Variants in OR1L8 observed in about 807,000 individuals in gnomAD.
The protein encoded by OR1L8 is olfactory receptor 1L8.
For synonymous variants in OR1L8, 148 were observed against 147.0 expected, an observed-to-expected ratio of 1.01 and a Z score of -0.05; for missense variants, 330 against 377.4, an observed-to-expected ratio of 0.87 and a Z score of 1.04.
the OR1L8 span, among the ~76,000 whole-genome samples, chr9:122,556,305 T>C: frequency 1.3e-5 from 2 of 151,940 alleles, no homozygotes. Flanking sequence ...CATGTGGATG[T>C]CTAGTTGTTT....
intron 1 of OR1L8, among the ~76,000 whole-genome samples, chr9:122,578,954 A>C (rs1829703282): frequency 7.1e-6 from 1 of 141,624 alleles, no homozygotes; most frequent in Non-Finnish European, 1.5e-5. Flanking sequence ...ATTAAAAAAA[A>C]TTCTGAAAAA....
At chr9:122,569,578 AT>A (rs138644918) in intron 4 of OR1L8, among the ~76,000 whole-genome samples, 888 of 77,770 alleles carry the variant, frequency 0.011, 7 homozygotes, top group African/African-American at 0.043. Flanking sequence ...ATTTTTAGAT[AT>A]TGGTTATTTA....
At chr9:122,552,079 T>TCTCTCTCACACACA in the OR1L8 span, among the ~76,000 whole-genome samples, 1 of 142,104 alleles carries the variant, frequency 7.0e-6, no homozygotes, top group Non-Finnish European at 1.5e-5. Context: ...TCTCTCTCTC[T>TCTCTCTCACACACA]CACACACACA....
the OR1L8 span, chr9:122,554,320 A>G: frequency 9.8e-6 from 6 of 614,838 alleles, no homozygotes; most frequent in Non-Finnish European, 1.7e-5. Flanking sequence ...TCATTCTTTT[A>G]TTAGGCTGTG....
At chr9:122,580,910 A>G (rs545989766) in intron 1 of OR1L8, among the ~76,000 whole-genome samples, 2 of 152,346 alleles carry the variant, frequency 1.3e-5, no homozygotes, top group South Asian at 4.1e-4. Flanking sequence ...TTTAGTAATA[A>G]GAACACACCA....
the OR1L8 span, among the ~76,000 whole-genome samples, chr9:122,556,772 G>C: frequency 6.6e-6 from 1 of 152,108 alleles, no homozygotes; most frequent in Non-Finnish European, 1.5e-5. Context: ...TCTGCATTTT[G>C]TTGATATCCA....
chr9:122,581,210 AC>A (rs5900534), intron 1 of OR1L8, among the ~76,000 whole-genome samples: 7,412 of 152,108 alleles, frequency 0.049, 280 homozygotes, highest in South Asian at 0.16. Context: ...TACTAAAAAT[AC>A]AAAAATTAGC....
In OR1L8 at chr9:122,568,637, T is replaced by C. The variant is rs1829483423; in HGVS notation, c.-160A>G. ...GGCTTGTTCACCTCATGGTCCTTGA[T>C]GGGGTCCTCCCTTCCCAAATCTATG... On this transcript the variant is annotated 5_prime_UTR_variant, in exon 5 of 5. Coordinates refer to ENST00000641027, the MANE Select transcript of OR1L8 (RefSeq NM_001004454.2). The C allele has an allele frequency of 1.3e-5, 7 of 556,086 alleles. No homozygotes were observed. In the South Asian group the frequency reaches 1.4e-4, roughly 11 times the overall value. The allele number at this position is 556,086 out of a possible 1,614,324, so 34.4% of individuals were successfully genotyped here.
the OR1L8 span, among the ~76,000 whole-genome samples, chr9:122,560,223 T>C: frequency 6.6e-6 from 1 of 152,320 alleles, no homozygotes; most frequent in East Asian, 1.9e-4. Context: ...TATTTGTTTC[T>C]TTGCACGTGA....
chr9:122,552,902 T>C, the OR1L8 span, among the ~76,000 whole-genome samples: 1 of 151,834 alleles, frequency 6.6e-6, no homozygotes, highest in Non-Finnish European at 1.5e-5. Context: ...AATTCTCACT[T>C]CCTCTAAATA....
At chr9:122,552,828 A>C in the OR1L8 span, among the ~76,000 whole-genome samples, 78,235 of 148,506 alleles carry the variant, frequency 0.53, 20,838 homozygotes, top group East Asian at 0.66. Context: ...GATGGAGATC[A>C]TGCATCTTCT....
downstream of OR1L8, among the ~76,000 whole-genome samples, chr9:122,562,901 A>T (rs377401747): frequency 8.5e-5 from 13 of 152,140 alleles, no homozygotes; most frequent in African/African-American, 1.2e-4. Context: ...TATAGCACTT[A>T]AAAAAATCCG....
At chr9:122,566,634 A>T (rs1451811524), downstream of OR1L8, among the ~76,000 whole-genome samples, 1 of 152,164 alleles carries the variant, frequency 6.6e-6, no homozygotes, top group Admixed American at 6.5e-5. Context: ...GGTTGTTGCC[A>T]TTTTTACCTA....
chr9:122,573,428 G>A (rs917127111), intron 3 of OR1L8, among the ~76,000 whole-genome samples: 2 of 152,206 alleles, frequency 1.3e-5, no homozygotes, highest in African/African-American at 4.8e-5. Context: ...GAATGTTTAT[G>A]TTTGGCCATT....
At chr9:122,553,095 T>G in the OR1L8 span, 2 of 1,006,474 alleles carry the variant, frequency 2.0e-6, no homozygotes, top group Non-Finnish European at 2.8e-6. Flanking sequence ...TATTTTTCTT[T>G]TCTTTTTCTC....
intron 1 of OR1L8, among the ~76,000 whole-genome samples, chr9:122,579,318 A>C (rs1439454354): frequency 6.6e-6 from 1 of 152,118 alleles, no homozygotes; most frequent in Admixed American, 6.5e-5. Context: ...TTTAATTTGA[A>C]TACATTGTAA....
At position 122,568,648 on chromosome 9, in the gene OR1L8, C is replaced by T. The variant is rs1410786860; in HGVS notation, c.-171G>A. 9.3e-6 allele frequency: 5 copies of T among 535,262 alleles called. No homozygotes were observed. Among genetic ancestry groups the T allele is most frequent in the African/African-American group, 3.8e-5 (2 of 52,800 alleles). The allele number at this position is 535,262 out of a possible 1,614,324, so 33.2% of individuals were successfully genotyped here. ...CTCATGGTCCTTGATGGGGTCCTCC[C>T]TTCCCAAATCTATGGGCTCCATAAG... On this transcript the variant is annotated 5_prime_UTR_variant, in exon 5 of 5. Transcript: ENST00000641027.
intron 4 of OR1L8, among the ~76,000 whole-genome samples, chr9:122,572,478 G>A (rs1829571249): frequency 1.3e-5 from 2 of 152,232 alleles, no homozygotes; most frequent in South Asian, 4.1e-4. Context: ...AAAGGAAGAA[G>A]GTTTAGGATA....
intron 1 of OR1L8, among the ~76,000 whole-genome samples, chr9:122,581,374 CAAAAA>C (rs139568713): frequency 1.3e-4 from 20 of 149,114 alleles, no homozygotes; most frequent in African/African-American, 4.9e-4. Context: ...CAAAACAAAA[CAAAAA>C]AAAAGTGACA....
Sources: gnomAD v4.1 joint callset for allele counts (sites outside exome capture counted in the v4.1 genomes callset) on GRCh38, gnomAD v4.1.1 for gene constraint, MANE v1.5 for transcripts, NCBI Gene and HGNC (gene_info 2026-07-23, HGNC 2026-07-21) for gene names.